The following MYO5B variants were observed in gnomAD, a reference collection of about 807,000 sequenced individuals.
The protein encoded by MYO5B is myosin VB, also known as unconventional myosin-Vb.
A neutral mutation model predicts 229.3 loss-of-function variants in MYO5B; 143 were observed. The observed-to-expected ratio is 0.62, with a 90% CI of 0.54 to 0.72. The LOEUF is 0.72. Ranked by LOEUF, MYO5B falls within the 30% of genes least tolerant of loss-of-function variation. MYO5B has a pLI of 0.00. For missense variants in MYO5B, 2,321 were observed against 2,331.0 expected, an observed-to-expected ratio of 1.00 and a Z score of 0.09; for synonymous variants, 918 against 885.2, an observed-to-expected ratio of 1.04 and a Z score of -0.66.
At chr18:50,111,129 T>C (rs2031857277) in intron 1 of MYO5B, among the ~76,000 whole-genome samples, 3 of 152,166 alleles carry the variant, frequency 2.0e-5, no homozygotes, top group Admixed American at 2.0e-4. Context: ...GGGATAATGC[T>C]CAGATTAGCT....
At chr18:50,130,305 G>A (rs759367114) in intron 1 of MYO5B, among the ~76,000 whole-genome samples, 51 of 152,166 alleles carry the variant, frequency 3.4e-4, no homozygotes, top group Non-Finnish European at 6.8e-4. Context: ...GCCAGCAGAA[G>A]GCATCAGGAC....
At chr18:50,154,138 G>A (rs943760748) in intron 1 of MYO5B, among the ~76,000 whole-genome samples, 4 of 152,100 alleles carry the variant, frequency 2.6e-5, no homozygotes, top group African/African-American at 9.7e-5. Flanking sequence ...AGGTCTGTAT[G>A]TAGGTGGTAT....
chr18:50,042,429 G>A (rs545268474), intron 2 of MYO5B, among the ~76,000 whole-genome samples: 1 of 152,264 alleles, frequency 6.6e-6, no homozygotes, highest in South Asian at 2.1e-4. Context: ...ATTTCCTTTA[G>A]ACAGTTTCCT....
chr18:50,014,246 T>G (rs1435699043), intron 4 of MYO5B, among the ~76,000 whole-genome samples: 1 of 97,468 alleles, frequency 1.0e-5, no homozygotes. Context: ...ATAAAAAAAG[T>G]CCCAAAATTA....
intron 1 of MYO5B, among the ~76,000 whole-genome samples, chr18:50,077,502 AACACACACACACACACACACACAC>A (rs60086500): frequency 7.5e-6 from 1 of 133,518 alleles, no homozygotes; most frequent in Admixed American, 7.6e-5. Context: ...CACACACACA[AACACACACACACACACACACACAC>A]ACACACACAC....
At chr18:50,014,730 A>G (rs552461076) in intron 4 of MYO5B, among the ~76,000 whole-genome samples, 1 of 152,276 alleles carries the variant, frequency 6.6e-6, no homozygotes, top group Admixed American at 6.5e-5. Flanking sequence ...GATGGGAAGG[A>G]TGTCTGTTCT....
chr18:50,036,705 G>C, intron 4 of MYO5B, 145 bp downstream of exon 4: 1 of 904,824 alleles, frequency 1.1e-6, no homozygotes, highest in South Asian at 1.4e-5. Context: ...GTAGGCAGTA[G>C]AACTTGGGCT....
At chr18:50,031,540 G>C (rs1203293368) in intron 4 of MYO5B, among the ~76,000 whole-genome samples, 1 of 152,146 alleles carries the variant, frequency 6.6e-6, no homozygotes, top group Non-Finnish European at 1.5e-5. Context: ...AAAAGAAATA[G>C]AACATAACAC....
At chr18:49,855,351 C>T (rs547404008) in intron 30 of MYO5B, among the ~76,000 whole-genome samples, 2 of 152,196 alleles carry the variant, frequency 1.3e-5, no homozygotes, top group Non-Finnish European at 2.9e-5. Context: ...TTTGAGGCCA[C>T]GACCAGTGGC....
At chr18:50,159,624 C>A (rs952793467) in intron 1 of MYO5B, among the ~76,000 whole-genome samples, 1 of 152,316 alleles carries the variant, frequency 6.6e-6, no homozygotes, top group Non-Finnish European at 1.5e-5. Context: ...TCCTCCCCCA[C>A]AGACTTGTCT....
intron 2 of MYO5B, 38 bp downstream of exon 2, chr18:50,055,230 A>ACCTCCCCCCCCCCCCC: frequency 3.9e-6 from 1 of 258,418 alleles, no homozygotes; most frequent in Non-Finnish European, 7.6e-6. Flanking sequence ...TCCCTGCCCC[A>ACCTCCCCCCCCCCCCC]CCTCACCCCC....
chr18:50,054,469 A>G (rs754851432), intron 2 of MYO5B, among the ~76,000 whole-genome samples: 11 of 152,166 alleles, frequency 7.2e-5, no homozygotes, highest in Non-Finnish European at 1.3e-4. Flanking sequence ...GCACTGAGCT[A>G]TCTGAAACAG....
chr18:49,839,050 T>C lies in MYO5B; in HGVS notation c.4852+94A>G, dbSNP rs959693808. 31 of 1,502,228 alleles carry C rather than the reference T, an allele frequency of 2.1e-5. No homozygotes were observed. The East Asian group carries it at 6.3e-4, about 31-fold the overall frequency. 93.1% of individuals were successfully genotyped at this position (1,502,228 alleles called of 1,614,324 possible). On this transcript the variant is annotated intron_variant, in intron 36 of 39. Transcript: ENST00000285039. ...GGCTTTCTGGAGGTCATGGCTAAGA[T>C]ATCTGGTTCCCGAAAGGCAGAGGGT...
intron 12 of MYO5B, among the ~76,000 whole-genome samples, chr18:49,957,842 A>C (rs2025513273): frequency 1.3e-5 from 2 of 151,636 alleles, no homozygotes; most frequent in East Asian, 3.9e-4. Context: ...CTCTCAAATC[A>C]CTGTACCATA....
chr18:50,056,828 TG>T (rs2030563080), intron 1 of MYO5B, among the ~76,000 whole-genome samples: 1 of 151,938 alleles, frequency 6.6e-6, no homozygotes, highest in African/African-American at 2.4e-5. Context: ...CAGTGAAAGT[TG>T]TAAGGCAACA....
At chr18:49,829,359 T>C (rs2023887230) in intron 39 of MYO5B, among the ~76,000 whole-genome samples, 1 of 152,032 alleles carries the variant, frequency 6.6e-6, no homozygotes, top group Admixed American at 6.6e-5. Context: ...ATAACCTAGA[T>C]GAAATGGACA....
chr18:49,865,245 G>A (rs1231881650), intron 27 of MYO5B, among the ~76,000 whole-genome samples: 1 of 152,180 alleles, frequency 6.6e-6, no homozygotes, highest in East Asian at 1.9e-4. Context: ...AGCCCAGGGA[G>A]GGGAAGGCTC....
chr18:50,193,714 G>C (rs997164060), intron 1 of MYO5B, among the ~76,000 whole-genome samples: 3 of 152,352 alleles, frequency 2.0e-5, no homozygotes, highest in Non-Finnish European at 4.4e-5. Context: ...CACCCAAGAA[G>C]ACGAACAGGA....
chr18:49,919,215 A>C (rs1273892502), intron 17 of MYO5B, among the ~76,000 whole-genome samples: 1 of 152,212 alleles, frequency 6.6e-6, no homozygotes, highest in Non-Finnish European at 1.5e-5. Context: ...TAAAACAGTA[A>C]AACTCTTGGA....
Sources: gnomAD v4.1 joint callset for allele counts (sites outside exome capture counted in the v4.1 genomes callset) on GRCh38, gnomAD v4.1.1 for gene constraint, MANE v1.5 for transcripts, NCBI Gene and HGNC (gene_info 2026-07-23, HGNC 2026-07-21) for gene names.